VAV2: variants seen among roughly 807,000 people sequenced by gnomAD.
VAV2 encodes guanine nucleotide exchange factor VAV2.
Under a neutral mutation model 132.5 loss-of-function variants are expected in VAV2, and 67 were observed. That is an observed-to-expected ratio of 0.51 (90% CI 0.42 to 0.62). The LOEUF (loss-of-function observed/expected upper bound fraction) is 0.62. Ranked by LOEUF, VAV2 falls within the 20% of genes least tolerant of loss-of-function variation. The pLI is 0.00. For synonymous variants in VAV2, 492 were observed against 443.5 expected (o/e 1.11, Z -1.37); for missense variants, 938 against 1,153.6 (o/e 0.81, Z 2.71).
rs577271603 is a variant in VAV2 at position 133,953,199 on chromosome 9, C to T, written c.205-13980G>A. On this transcript the variant is annotated intron_variant, in intron 1 of 29. Transcript: ENST00000371850. Reference sequence around the variant, plus strand: ...CCTGCTGACACCTTGGTTTCAGGCTCGCGGCCTCCAGGGCTGCTGCTGGAA... The same window carrying T: ...CCTGCTGACACCTTGGTTTCAGGCTTGCGGCCTCCAGGGCTGCTGCTGGAA... 8.0e-4 allele frequency among the ~76,000 whole-genome samples: 122 copies of T among 152,362 alleles called. No individual in the cohort carries two copies. The South Asian group carries it at 0.01, about 13-fold the overall frequency.
At chr9:133,902,374 C>G (rs1448014799) in intron 2 of VAV2, among the ~76,000 whole-genome samples, 2 of 152,194 alleles carry the variant, frequency 1.3e-5, no homozygotes, top group Non-Finnish European at 2.9e-5. Flanking sequence ...GCAGACACGG[C>G]TGCGGCCTTG....
chr9:133,852,094 G>A (rs563709846), intron 3 of VAV2, among the ~76,000 whole-genome samples: 3 of 152,266 alleles, frequency 2.0e-5, no homozygotes, highest in South Asian at 4.1e-4. Context: ...TGAGTGGACA[G>A]ATGGACAAAC....
intron 3 of VAV2, among the ~76,000 whole-genome samples, chr9:133,852,644 C>T (rs1273658186): frequency 6.6e-6 from 1 of 152,150 alleles, no homozygotes; most frequent in African/African-American, 2.4e-5. Context: ...GCTGTTCACG[C>T]CCCCCTGCCA....
intron 2 of VAV2, among the ~76,000 whole-genome samples, chr9:133,909,432 G>C (rs1007942668): frequency 6.6e-6 from 1 of 152,198 alleles, no homozygotes; most frequent in Non-Finnish European, 1.5e-5. Context: ...AAATGGATCA[G>C]GGTAGGTCAA....
chr9:133,939,634 C>T (rs1349874405), intron 1 of VAV2, among the ~76,000 whole-genome samples: 3 of 152,252 alleles, frequency 2.0e-5, no homozygotes, highest in Non-Finnish European at 4.4e-5. Context: ...CAGCACATGT[C>T]GAGGCCGACA....
At chr9:133,984,820 A>G (rs1423394231) in intron 1 of VAV2, among the ~76,000 whole-genome samples, 1 of 151,824 alleles carries the variant, frequency 6.6e-6, no homozygotes, top group Non-Finnish European at 1.5e-5. Flanking sequence ...AGATGCGATA[A>G]TTACTTGAAC....
At chr9:133,882,157 C>A (rs1284671342) in intron 2 of VAV2, among the ~76,000 whole-genome samples, 1 of 152,252 alleles carries the variant, frequency 6.6e-6, no homozygotes, top group Non-Finnish European at 1.5e-5. Flanking sequence ...CCATGCCCTG[C>A]AGAGCTCTCG....
At position 133,826,087 on chromosome 9, in the gene VAV2, T is replaced by C. The variant is rs1835977259; in HGVS notation, c.449+8185A>G. On this transcript the variant is annotated intron_variant, in intron 4 of 29. Transcript: ENST00000371850. The surrounding 1 kb of genome is among the most constrained non-coding windows in gnomAD (Gnocchi z 4.2). Reference sequence around the variant, plus strand: ...TCAACTCCCAGGAAAGTGAAACCAGTGTTATGCAAAGCAGGCTCCTAAATC... The same window carrying C: ...TCAACTCCCAGGAAAGTGAAACCAGCGTTATGCAAAGCAGGCTCCTAAATC... 6.6e-6 allele frequency among the ~76,000 whole-genome samples: 1 copy of C among 152,154 alleles called. No individual in the cohort carries two copies.
intron 3 of VAV2, among the ~76,000 whole-genome samples, chr9:133,838,096 G>A (rs1836543001): frequency 6.6e-6 from 1 of 152,084 alleles, no homozygotes; most frequent in Non-Finnish European, 1.5e-5. Context: ...GAGAATAGAG[G>A]AGGCTTCACC....
rs1182726578 is a variant in VAV2 at position 133,804,945 on chromosome 9, T to C, written c.836+1136A>G. 6.6e-6 allele frequency among the ~76,000 whole-genome samples: 1 copy of C among 152,096 alleles called. No individual in the cohort carries two copies. Among genetic ancestry groups the C allele is most frequent in the African/African-American group, 2.4e-5 (1 of 41,408 alleles). On this transcript the variant is annotated intron_variant, in intron 9 of 29. Coordinates refer to ENST00000371850, the MANE Select transcript of VAV2 (RefSeq NM_001134398.2). This position sits in a 1 kb window ranked among gnomAD's most constrained non-coding sequence, Gnocchi z 4.5. ...GTGTCTCCGGGAACCCTCCAAGCCA[T>C]GGCCCCTGGAGAGCAGGCTCCAGGA...
chr9:133,848,744 T>C, intron 3 of VAV2, among the ~76,000 whole-genome samples: 1 of 152,232 alleles, frequency 6.6e-6, no homozygotes, highest in East Asian at 1.9e-4. Flanking sequence ...CAGACAGCTC[T>C]GGGCCCAGGC....
At chr9:133,791,396 A>G (rs1162153323) in intron 13 of VAV2, among the ~76,000 whole-genome samples, 1 of 152,054 alleles carries the variant, frequency 6.6e-6, no homozygotes, top group Non-Finnish European at 1.5e-5. Context: ...AGGGTGGGCC[A>G]GGGGTCCACG....
At chr9:133,782,095 TCCG>T (rs1834028981) in intron 19 of VAV2, among the ~76,000 whole-genome samples, 1 of 136,280 alleles carries the variant, frequency 7.3e-6, no homozygotes, top group Non-Finnish European at 1.6e-5. Flanking sequence ...TAATTAATAA[TCCG>T]GCGGGGGCGG....
chr9:133,797,033 TG>T (rs1834746156), intron 10 of VAV2, among the ~76,000 whole-genome samples: 1 of 152,154 alleles, frequency 6.6e-6, no homozygotes, highest in African/African-American at 2.4e-5. Context: ...GCATCTCTAC[TG>T]GGGGGCCACG....
chr9:133,977,786 T>C (rs1343508526), intron 1 of VAV2, among the ~76,000 whole-genome samples: 5 of 151,960 alleles, frequency 3.3e-5, no homozygotes, highest in African/African-American at 1.2e-4. Flanking sequence ...AACCAAAACA[T>C]AGGCCTCAAA....
At chr9:133,787,377 C>G in intron 15 of VAV2, 117 bp from the exon 16 acceptor site, 1 of 1,226,606 alleles carries the variant, frequency 8.2e-7, no homozygotes, top group Non-Finnish European at 1.1e-6. Context: ...GAACACCCCC[C>G]AGTGCCCAGG....
Position 133,806,179 on chromosome 9 carries a change from G to T in VAV2, c.738C>A (p.Asp246Glu), listed in dbSNP as rs755713673. 1 of 1,611,364 alleles carries T rather than the reference G, an allele frequency of 6.2e-7. No homozygotes were observed. The highest frequency in any genetic ancestry group is 8.5e-7 in the Non-Finnish European group (1 of 1,179,414). The part of the protein sequence containing the change: ...DMAAVFINLE[D>E]LIKVHHSFLR... The stretch of plus-strand genomic sequence containing the variant: ...GGAAGCTGTGATGCACCTTGATCAG[G>T]TCCTGGGTTGAAAACCAGCCGTGAG... The change falls in exon 9 of 30, where the codon GAC becomes GAA. Residue 246 changes from aspartate to glutamate, a missense_variant and splice_region_variant. By Grantham distance (45) the Asp-to-Glu change is conservative (BLOSUM62 2). Transcript: ENST00000371850.
At chr9:133,813,973 G>A (rs1835458356) in intron 4 of VAV2, among the ~76,000 whole-genome samples, 1 of 152,220 alleles carries the variant, frequency 6.6e-6, no homozygotes, top group Non-Finnish European at 1.5e-5. Flanking sequence ...GCAAGGGGCA[G>A]GGCTGTGGCC....
intron 3 of VAV2, among the ~76,000 whole-genome samples, chr9:133,851,693 T>C (rs1295008008): frequency 6.6e-6 from 1 of 151,150 alleles, no homozygotes; most frequent in East Asian, 1.9e-4. Context: ...GATGGATGGA[T>C]GGATGAGTGG....
Sources: gnomAD v4.1 joint callset for allele counts (sites outside exome capture counted in the v4.1 genomes callset) on GRCh38, gnomAD v4.1.1 for gene constraint, Gnocchi (gnomAD v3.1) non-coding constraint, MANE v1.5 for transcripts, NCBI Gene and HGNC (gene_info 2026-07-23, HGNC 2026-07-21) for gene names.